The following RRM2 variants were observed in gnomAD, a reference collection of about 807,000 sequenced individuals.
RRM2 encodes ribonucleotide reductase regulatory subunit M2.
In RRM2, 6 loss-of-function variants were observed where a neutral mutation model predicts 45.9. The observed-to-expected ratio is 0.13, with a 90% CI of 0.07 to 0.26. The LOEUF is 0.26. Among genes scored for constraint, RRM2 ranks in the 10% least tolerant of loss-of-function variants. The pLI is 1.00. For synonymous variants in RRM2, 177 were observed against 173.0 expected, an observed-to-expected ratio of 1.02 and a Z score of -0.18; for missense variants, 343 against 489.5, an observed-to-expected ratio of 0.70 and a Z score of 2.82.
intron 3 of RRM2, among the ~76,000 whole-genome samples, chr2:10,196,793 G>A (rs936887654): frequency 3.9e-5 from 6 of 152,224 alleles, no homozygotes; most frequent in African/African-American, 1.2e-4. Context: ...AGGGAGGGCC[G>A]CAGCCGGGAC....
intron 3 of RRM2, among the ~76,000 whole-genome samples, chr2:10,177,443 T>C (rs978397289): frequency 9.2e-5 from 14 of 152,184 alleles, no homozygotes; most frequent in African/African-American, 3.4e-4. Flanking sequence ...GTGCACCTTG[T>C]ACCCTTTTCT....
In RRM2 at chr2:10,204,198, G is replaced by T. The variant is rs1664623589; in HGVS notation, n.483-6113G>T. Among the ~76,000 whole-genome samples, 1 of 152,060 alleles carries T rather than the reference G, an allele frequency of 6.6e-6. No individual in the cohort carries two copies. Among genetic ancestry groups the T allele is most frequent in the African/African-American group, 2.4e-5 (1 of 41,412 alleles). ...ATAGACTTCTTTCACCTGGGGCCTG[G>T]CTTCGTCCAACAGCAGAGCCCAACC... On this transcript the variant is annotated intron_variant and non_coding_transcript_variant, in intron 3 of 3. Coordinates refer to the RRM2 transcript ENST00000381786. This position sits in a 1 kb window ranked among gnomAD's most constrained non-coding sequence, Gnocchi z 4.0.
chr2:10,210,396 A>G (rs760925575), exon 4 of RRM2: 6 of 1,367,662 alleles, frequency 4.4e-6, no homozygotes, highest in Non-Finnish European at 4.9e-6. Flanking sequence ...CGTGGTGCTC[A>G]CAGCAAGACA....
intron 3 of RRM2, among the ~76,000 whole-genome samples, chr2:10,192,419 G>A (rs1057356314): frequency 6.6e-6 from 1 of 152,200 alleles, no homozygotes; most frequent in African/African-American, 2.4e-5. Context: ...CCCTACAGCA[G>A]CTCGGGGAGC....
chr2:10,123,350 G>A, intron 2 of RRM2, 37 bp from the exon 3 acceptor site: 1 of 1,576,990 alleles, frequency 6.3e-7, no homozygotes, highest in East Asian at 2.2e-5. Context: ...CATATGGTTC[G>A]CCCGGTACTT....
At chr2:10,150,774 T>TTTTG (rs1663293590) in intron 3 of RRM2, among the ~76,000 whole-genome samples, 1 of 141,016 alleles carries the variant, frequency 7.1e-6, no homozygotes, top group Non-Finnish European at 1.5e-5. Context: ...GTGTTGTGTT[T>TTTTG]TTTTTTTTTT....
At chr2:10,141,618 G>C in exon 1 of RRM2, 1 of 563,168 alleles carries the variant, frequency 1.8e-6, no homozygotes. Context: ...TGTGCTTAAG[G>C]ATTCCAAGAT....
At chr2:10,153,319 G>T (rs1663355487) in intron 3 of RRM2, among the ~76,000 whole-genome samples, 1 of 152,140 alleles carries the variant, frequency 6.6e-6, no homozygotes, top group South Asian at 2.1e-4. Context: ...GGGTGACAGA[G>T]TGAGGCCCTG....
chr2:10,195,446 C>T lies in RRM2; in HGVS notation n.483-14865C>T, dbSNP rs187866261. On this transcript the variant is annotated intron_variant and non_coding_transcript_variant, in intron 3 of 3. Transcript: ENST00000381786. The surrounding 1 kb of genome is among the most constrained non-coding windows in gnomAD (Gnocchi z 4.9). ...CCGCCGTGATGGGTCCCTGAAGCACCGGAGCCAGCAGCAGGAGCATGCGGG... is the reference window on the plus strand; with the variant it reads ...CCGCCGTGATGGGTCCCTGAAGCACTGGAGCCAGCAGCAGGAGCATGCGGG... 1.5e-3 allele frequency among the ~76,000 whole-genome samples: 224 copies of T among 152,278 alleles called. 1 individual carries two copies. Among genetic ancestry groups the T allele is most frequent in the African/African-American group, 4.6e-3 (192 of 41,556 alleles).
At chr2:10,160,904 C>G (rs1663542314) in intron 3 of RRM2, among the ~76,000 whole-genome samples, 1 of 152,194 alleles carries the variant, frequency 6.6e-6, no homozygotes, top group Non-Finnish European at 1.5e-5. Context: ...TCCCACCAGG[C>G]TTTCTGAAGC....
chr2:10,162,681 C>T (rs1394632201), intron 3 of RRM2, among the ~76,000 whole-genome samples: 1 of 148,966 alleles, frequency 6.7e-6, no homozygotes, highest in African/African-American at 2.5e-5. Context: ...CACCCCCCCG[C>T]CGCCCCCCAC....
chr2:10,168,362 C>T (rs1663725376), intron 3 of RRM2, among the ~76,000 whole-genome samples: 1 of 152,092 alleles, frequency 6.6e-6, no homozygotes, highest in Admixed American at 6.5e-5. Context: ...GAGATCTCCT[C>T]CATCTTCATC....
rs534973772 is a variant in RRM2, at chr2:10,143,817, AC to A, written n.482+1444del. Among the ~76,000 whole-genome samples the A allele has an allele frequency of 9.1e-4, 138 of 152,250 alleles. 1 individual carries two copies. The highest frequency in any genetic ancestry group is 3.2e-3 in the African/African-American group (132 of 41,528). ...CGAGTAGCTGGGACTACAGGTGTGC[AC>A]CACCGTGTCCAGCTAATTTTTGTAT... is the stretch of plus-strand genomic sequence containing the variant. On this transcript the variant is annotated intron_variant and non_coding_transcript_variant, in intron 3 of 3. Coordinates refer to the RRM2 transcript ENST00000381786.
intron 3 of RRM2, among the ~76,000 whole-genome samples, chr2:10,209,802 T>C (rs2125336555): frequency 6.6e-6 from 1 of 152,332 alleles, no homozygotes; most frequent in South Asian, 2.1e-4. Flanking sequence ...GAATCGGTGC[T>C]TTGACTGCTC....
chr2:10,126,667 G>A (rs1268477652), intron 5 of RRM2: 5 of 575,764 alleles, frequency 8.7e-6, no homozygotes, highest in Middle Eastern at 9.0e-4. Flanking sequence ...TTGTATTAAT[G>A]TAAATCAAGT....
rs574014444 is a variant in RRM2 at position 10,142,122 on chromosome 2, A to G, written n.362-133A>G. The G allele has an allele frequency of 2.6e-6, 4 of 1,567,674 alleles. No individual in the cohort carries two copies. In the African/African-American group the frequency reaches 4.0e-5, roughly 16 times the overall value. ...TTCAGGCGGAGGGTGGGCAAGCGCA[A>G]AGGCCCTGTGGCAGGCGCGTCTGTG... On this transcript the variant is annotated intron_variant and non_coding_transcript_variant, in intron 2 of 3. Transcript: ENST00000381786.
chr2:10,157,798 T>G (rs779606478), intron 3 of RRM2, among the ~76,000 whole-genome samples: 3 of 152,182 alleles, frequency 2.0e-5, no homozygotes, highest in Non-Finnish European at 2.9e-5. Flanking sequence ...ATGGCTCAGT[T>G]TTGCTCCTTG....
rs114679793 is a variant in RRM2, at chr2:10,192,899, G to A, written n.483-17412G>A. Among the ~76,000 whole-genome samples the A allele has an allele frequency of 9.7e-3, 1,480 of 152,340 alleles. 17 individuals carry two copies. The highest frequency in any genetic ancestry group is 0.024 in the Middle Eastern group (7 of 294). On this transcript the variant is annotated intron_variant and non_coding_transcript_variant, in intron 3 of 3. Coordinates refer to the RRM2 transcript ENST00000381786. Reference sequence around the variant, plus strand: ...GCCAGCCTCTGTCCTCCAGCAGGAGGTAGCTTTGGCCTCTCTTGGTCTCTG... The same window carrying A: ...GCCAGCCTCTGTCCTCCAGCAGGAGATAGCTTTGGCCTCTCTTGGTCTCTG...
At chr2:10,139,105 C>A (rs1253227465), upstream of RRM2, among the ~76,000 whole-genome samples, 1 of 151,526 alleles carries the variant, frequency 6.6e-6, no homozygotes, top group South Asian at 2.1e-4. Context: ...GAGACTGACT[C>A]AAAAAAAATA....
Sources: allele counts gnomAD v4.1 joint callset (sites outside exome capture counted in the v4.1 genomes callset), GRCh38; gene constraint gnomAD v4.1.1; non-coding constraint Gnocchi (gnomAD v3.1); transcripts MANE v1.5; gene names NCBI Gene and HGNC (gene_info 2026-07-23, HGNC 2026-07-21).